Variants in PXDNL observed in about 807,000 individuals in gnomAD.
PXDNL encodes the protein peroxidasin like, also known as probable oxidoreductase PXDNL.
Under a neutral mutation model 150.8 loss-of-function variants are expected in PXDNL, and 145 were observed. That is an observed-to-expected ratio of 0.96 (90% CI 0.84 to 1.10). The LOEUF (loss-of-function observed/expected upper bound fraction) is 1.10. Among genes scored for constraint, PXDNL ranks in the 50% least tolerant of loss-of-function variants. The probability of loss-of-function intolerance (pLI) is 0.00; values close to 1 mark genes in which losing one functional copy is unlikely to be tolerated. For missense variants in PXDNL, 2,087 were observed against 1,873.9 expected (o/e 1.11, Z -2.10); for synonymous variants, 757 against 725.7 (o/e 1.04, Z -0.69).
chr8:51,379,199 C>G (rs1424832563), intron 17 of PXDNL, among the ~76,000 whole-genome samples: 1 of 152,082 alleles, frequency 6.6e-6, no homozygotes, highest in Non-Finnish European at 1.5e-5. Context: ...TCAAACTTGC[C>G]ATTGAAACTC....
At chr8:51,530,170 C>T (rs7017790) in intron 4 of PXDNL, among the ~76,000 whole-genome samples, 14,684 of 151,980 alleles carry the variant, frequency 0.097, 1,487 homozygotes, top group African/African-American at 0.25. Context: ...AGTTGGGAGA[C>T]CAATATTTGA....
rs1329738488 is a variant in PXDNL at position 51,577,914 on chromosome 8, AAAAGAAAGAAAAGAAAGAAAG to A, written c.308+14692_308+14712del. Among the ~76,000 whole-genome samples, 121 of 117,682 alleles carry A rather than the reference AAAAGAAAGAAAAGAAAGAAAG, an allele frequency of 1.0e-3. 7 individuals are homozygous for A. Among genetic ancestry groups the A allele is most frequent in the East Asian group, 2.8e-3 (11 of 3,862 alleles). 77.2% of individuals were successfully genotyped at this position (117,682 alleles called of 152,430 possible). Reference sequence around the variant, plus strand: ...ATACAAATAAGAAAGAAAGAGAAAGAAAAGAAAGAAAAGAAAGAAAGAAAGAAAGAAAGAAAGAAAGAAAGA... The same window carrying A: ...ATACAAATAAGAAAGAAAGAGAAAGAAAAGAAAGAAAGAAAGAAAGAAAGA... On this transcript the variant is annotated intron_variant, in intron 3 of 22. Transcript: ENST00000356297.
At position 51,459,179 on chromosome 8, in the gene PXDNL, C is replaced by T. The variant is rs1213681838; in HGVS notation, c.813-1512G>A. Among the ~76,000 whole-genome samples, 4 of 152,196 alleles carry T rather than the reference C, an allele frequency of 2.6e-5. 1 individual carries two copies. Among genetic ancestry groups the T allele is most frequent in the African/African-American group, 9.7e-5 (4 of 41,446 alleles). On this transcript the variant is annotated intron_variant, in intron 8 of 22. Coordinates refer to ENST00000356297, the MANE Select transcript of PXDNL (RefSeq NM_144651.5). Reference sequence around the variant, plus strand: ...GTGCAGTGCCTCATGCCTGTAATCCCAGCACTTTGGGAGGCCAAGGCAGGC... The same window carrying T: ...GTGCAGTGCCTCATGCCTGTAATCCTAGCACTTTGGGAGGCCAAGGCAGGC...
intron 17 of PXDNL, among the ~76,000 whole-genome samples, chr8:51,404,270 C>T (rs941004108): frequency 6.6e-6 from 1 of 152,246 alleles, no homozygotes; most frequent in South Asian, 2.1e-4. Context: ...GCTCAGGCAG[C>T]CTGCTTTTAT....
At chr8:51,798,786 G>C (rs1464780453) in intron 1 of PXDNL, among the ~76,000 whole-genome samples, 1 of 152,054 alleles carries the variant, frequency 6.6e-6, no homozygotes, top group Non-Finnish European at 1.5e-5. Context: ...ATTCCTCAAA[G>C]ACCTAGAACC....
At chr8:51,417,203 A>C (rs748382929) in intron 14 of PXDNL, among the ~76,000 whole-genome samples, 3 of 152,222 alleles carry the variant, frequency 2.0e-5, no homozygotes, top group Non-Finnish European at 4.4e-5. Context: ...TTTTTATGCA[A>C]AATTTTACAG....
chr8:51,617,930 G>A (rs776704692), intron 2 of PXDNL, among the ~76,000 whole-genome samples: 1 of 152,202 alleles, frequency 6.6e-6, no homozygotes, highest in Non-Finnish European at 1.5e-5. Context: ...AGGCGCACAC[G>A]CACACACTGT....
chr8:51,803,579 T>C (rs1164774177), intron 1 of PXDNL, among the ~76,000 whole-genome samples: 1 of 152,164 alleles, frequency 6.6e-6, no homozygotes, highest in African/African-American at 2.4e-5. Context: ...GAGTCTTCGG[T>C]AGATGTGTTC....
chr8:51,724,998 CT>C (rs1383087293), intron 1 of PXDNL, among the ~76,000 whole-genome samples: 1 of 151,712 alleles, frequency 6.6e-6, no homozygotes, highest in Non-Finnish European at 1.5e-5. Context: ...TTTTCTTTTT[CT>C]TTTTTGGAGA....
At chr8:51,435,352 G>A (rs1296101224) in intron 12 of PXDNL, among the ~76,000 whole-genome samples, 4 of 97,060 alleles carry the variant, frequency 4.1e-5, no homozygotes, top group Non-Finnish European at 8.4e-5. Context: ...CCTCATCAGT[G>A]TTTTTTGTTT....
At chr8:51,560,328 T>C (rs931352947) in intron 3 of PXDNL, among the ~76,000 whole-genome samples, 1 of 151,932 alleles carries the variant, frequency 6.6e-6, no homozygotes, top group African/African-American at 2.4e-5. Context: ...CTAAAATCTA[T>C]GTGACATTTC....
chr8:51,525,025 G>A (rs1055097536), intron 4 of PXDNL, among the ~76,000 whole-genome samples: 2 of 152,078 alleles, frequency 1.3e-5, no homozygotes, highest in Admixed American at 1.3e-4. Flanking sequence ...CATCCCAGAA[G>A]ACTGAGAACT....
At chr8:51,530,201 C>T (rs1159274618) in intron 4 of PXDNL, among the ~76,000 whole-genome samples, 1 of 152,096 alleles carries the variant, frequency 6.6e-6, no homozygotes, top group African/African-American at 2.4e-5. Flanking sequence ...TGTATGGATA[C>T]AATTTAAATT....
In PXDNL at chr8:51,487,026, C is replaced by A. The variant is rs539741391; in HGVS notation, c.453-3312G>T. On this transcript the variant is annotated intron_variant, in intron 5 of 22. Coordinates refer to ENST00000356297, the MANE Select transcript of PXDNL (RefSeq NM_144651.5). ...GCCAGAATGGCCTCCATCTCTTGAC[C>A]TCGTGATCGGCCCGCCCCGGCTTCC... 1.6e-4 allele frequency among the ~76,000 whole-genome samples: 24 copies of A among 151,598 alleles called. No homozygotes were observed. In the East Asian group the frequency reaches 4.5e-3, roughly 28 times the overall value.
chr8:51,522,458 T>A (rs1563448908), intron 4 of PXDNL, among the ~76,000 whole-genome samples: 3 of 152,268 alleles, frequency 2.0e-5, no homozygotes, highest in East Asian at 1.9e-4. Context: ...AAACTTATAG[T>A]AGAGTAGAGG....
intron 9 of PXDNL, among the ~76,000 whole-genome samples, chr8:51,456,305 G>A (rs2129990642): frequency 6.6e-6 from 1 of 152,200 alleles, no homozygotes; most frequent in Non-Finnish European, 1.5e-5. Flanking sequence ...AATGTGCCTT[G>A]CTCTGTCTTC....
rs1028623475 is a variant in PXDNL at position 51,608,797 on chromosome 8, A to C, written c.237-16099T>G. Among the ~76,000 whole-genome samples, 5 of 137,270 alleles carry C rather than the reference A, an allele frequency of 3.6e-5. No homozygotes were observed. In the East Asian group the frequency reaches 1.1e-3, roughly 31 times the overall value. The allele number at this position is 137,270 out of a possible 152,430, so 90.1% of individuals were successfully genotyped here. A position where few individuals can be genotyped will look rare whatever the true frequency, so the allele number is the denominator to read the frequency against. On this transcript the variant is annotated intron_variant, in intron 2 of 22. Coordinates refer to ENST00000356297, the MANE Select transcript of PXDNL (RefSeq NM_144651.5). ...GCTTGCAGTGAGCCGAGATTGCGCC[A>C]CTGCACTCCAGCCTAGGTGACAGAG...
chr8:51,532,915 G>GT (rs1811936610), intron 4 of PXDNL, among the ~76,000 whole-genome samples: 1 of 152,012 alleles, frequency 6.6e-6, no homozygotes. Flanking sequence ...TAAATGAACC[G>GT]CTTTTTTGAT....
chr8:51,625,608 C>A (rs1260948192), intron 2 of PXDNL, among the ~76,000 whole-genome samples: 1 of 151,988 alleles, frequency 6.6e-6, no homozygotes, highest in Non-Finnish European at 1.5e-5. Flanking sequence ...GGAGGGATAG[C>A]AGGAAGAAAA....
Sources: allele counts gnomAD v4.1 joint callset (sites outside exome capture counted in the v4.1 genomes callset), GRCh38; gene constraint gnomAD v4.1.1; transcripts MANE v1.5; gene names NCBI Gene and HGNC (gene_info 2026-07-23, HGNC 2026-07-21).